The following ATP10A variants were observed in gnomAD, a reference collection of about 807,000 sequenced individuals.
ATP10A encodes phospholipid-transporting ATPase VA.
In ATP10A, 111 loss-of-function variants were observed where a neutral mutation model predicts 147.8. The observed-to-expected ratio is 0.75, with a 90% CI of 0.64 to 0.88. ATP10A has a LOEUF of 0.88. Ranked by LOEUF, ATP10A falls within the 40% of genes least tolerant of loss-of-function variation. ATP10A has a pLI of 0.00. For missense variants in ATP10A, 1,927 were observed against 1,959.0 expected (o/e 0.98, Z 0.31); for synonymous variants, 875 against 841.6 (o/e 1.04, Z -0.69).
At chr15:25,754,111 T>C (rs750280015) in intron 2 of ATP10A, among the ~76,000 whole-genome samples, 97 of 152,030 alleles carry the variant, frequency 6.4e-4, no homozygotes, top group Non-Finnish European at 1.1e-3. Flanking sequence ...TGCTGCGGTT[T>C]TTTATTTTGT....
rs184690647 is a variant in ATP10A at position 25,832,201 on chromosome 15, A to C, written c.449+30447T>G. On this transcript the variant is annotated intron_variant, in intron 1 of 20. Transcript: ENST00000555815. ...GAGGCAAAGAAGGATTTTTCTCTAGAGCTTTCCACAGGAGCACGGCCCTGC... is the reference window on the plus strand; with the variant it reads ...GAGGCAAAGAAGGATTTTTCTCTAGCGCTTTCCACAGGAGCACGGCCCTGC... 3.0e-3 allele frequency among the ~76,000 whole-genome samples: 454 copies of C among 152,298 alleles called. 3 individuals are homozygous for C. The highest frequency in any genetic ancestry group is 0.011 in the African/African-American group (443 of 41,558).
chr15:25,823,227 GA>G (rs1175221305), intron 1 of ATP10A, among the ~76,000 whole-genome samples: 3 of 152,028 alleles, frequency 2.0e-5, no homozygotes, highest in African/African-American at 4.8e-5. Flanking sequence ...ATTAGCAACA[GA>G]AAAAAACCTC....
rs79272469 is a variant in ATP10A, at chr15:25,860,026, G to A, written c.449+2622C>T. Among the ~76,000 whole-genome samples, 753 of 152,236 alleles carry A rather than the reference G, an allele frequency of 4.9e-3. 6 individuals are homozygous for A. The highest frequency in any genetic ancestry group is 0.017 in the African/African-American group (712 of 41,544). Reference sequence around the variant, plus strand: ...AAACAGACCTAGACAGTTCACAGTCGTGCGTCTGGTCTTCTCTGCAGTCAA... The same window carrying A: ...AAACAGACCTAGACAGTTCACAGTCATGCGTCTGGTCTTCTCTGCAGTCAA... On this transcript the variant is annotated intron_variant, in intron 1 of 20. Transcript: ENST00000555815.
At chr15:25,689,387 T>C (rs1006809840) in intron 15 of ATP10A, among the ~76,000 whole-genome samples, 2 of 152,206 alleles carry the variant, frequency 1.3e-5, no homozygotes, top group African/African-American at 4.8e-5. Flanking sequence ...CCAGGAGCTG[T>C]GGGATCTCCT....
In ATP10A at chr15:25,770,918, C is replaced by A. The variant is rs577887692; in HGVS notation, c.654+10101G>T. ...TCTATGATAAACATCTGAGCTCCCACCTGTCCTGTGGAACTCGGGTCGCAC... is the reference window on the plus strand; with the variant it reads ...TCTATGATAAACATCTGAGCTCCCAACTGTCCTGTGGAACTCGGGTCGCAC... On this transcript the variant is annotated intron_variant, in intron 2 of 20. Transcript: ENST00000555815. Among the ~76,000 whole-genome samples the A allele has an allele frequency of 4.6e-5, 7 of 152,262 alleles. No individual in the cohort carries two copies. In the East Asian group the frequency reaches 1.4e-3, roughly 29 times the overall value.
chr15:25,806,534 G>A (rs867806499), intron 1 of ATP10A, among the ~76,000 whole-genome samples: 40 of 151,856 alleles, frequency 2.6e-4, no homozygotes, highest in African/African-American at 8.7e-4. Flanking sequence ...GGATGGTCTC[G>A]ATCTCCTGAC....
At chr15:25,846,895 C>T (rs192577090) in intron 1 of ATP10A, among the ~76,000 whole-genome samples, 4 of 152,208 alleles carry the variant, frequency 2.6e-5, no homozygotes, top group Non-Finnish European at 4.4e-5. Context: ...GCATTACATG[C>T]CGGTAATTTA....
In ATP10A at chr15:25,732,558, C is replaced by CTTTT. The variant is rs36120691; in HGVS notation, c.740+3494_740+3497dup. The stretch of plus-strand genomic sequence containing the variant: ...GTGAGCATTTCACATGCGACACCTT[C>CTTTT]TTTTTTTTTTTTTTTGAGATGGAGT... On this transcript the variant is annotated intron_variant, in intron 3 of 20. Transcript: ENST00000555815. Among the ~76,000 whole-genome samples, 32 of 84,146 alleles carry CTTTT rather than the reference C, an allele frequency of 3.8e-4. 1 individual carries two copies. Among genetic ancestry groups the CTTTT allele is most frequent in the African/African-American group, 1.5e-3 (32 of 21,766 alleles). The allele number at this position is 84,146 out of a possible 152,430, so 55.2% of individuals were successfully genotyped here. A position where few individuals can be genotyped will look rare whatever the true frequency, so the allele number is the denominator to read the frequency against.
At chr15:25,710,181 G>A (rs1029933982) in intron 10 of ATP10A, 2 of 152,236 alleles carry the variant, frequency 1.3e-5, no homozygotes, top group African/African-American at 4.8e-5. Flanking sequence ...CAAGTCCTGT[G>A]TGTCTTGTCT....
At chr15:25,754,748 C>G (rs1378039186) in intron 2 of ATP10A, among the ~76,000 whole-genome samples, 1 of 152,140 alleles carries the variant, frequency 6.6e-6, no homozygotes, top group Non-Finnish European at 1.5e-5. Context: ...GCCCTGTAAC[C>G]TGCAAATATT....
intron 2 of ATP10A, among the ~76,000 whole-genome samples, chr15:25,739,259 T>C (rs891608090): frequency 1.6e-4 from 25 of 152,158 alleles, no homozygotes; most frequent in African/African-American, 5.6e-4. Flanking sequence ...AAGTTCTAAG[T>C]TTCCAAAATT....
At chr15:25,840,317 G>A (rs575888174) in intron 1 of ATP10A, among the ~76,000 whole-genome samples, 11 of 151,998 alleles carry the variant, frequency 7.2e-5, no homozygotes, top group Non-Finnish European at 1.2e-4. Flanking sequence ...GTACCCAACA[G>A]TTATCTTTTC....
At chr15:25,709,102 G>C (rs1268776389) in intron 10 of ATP10A, 1 of 152,172 alleles carries the variant, frequency 6.6e-6, no homozygotes, top group Non-Finnish European at 1.5e-5. Flanking sequence ...GGTTCTTGGA[G>C]GTGGAAAAAT....
chr15:25,846,315 G>A (rs1893023301), intron 1 of ATP10A, among the ~76,000 whole-genome samples: 1 of 152,206 alleles, frequency 6.6e-6, no homozygotes, highest in Non-Finnish European at 1.5e-5. Context: ...TTTATGTTAT[G>A]TATATTTCAC....
At chr15:25,844,727 G>C (rs927066307) in intron 1 of ATP10A, among the ~76,000 whole-genome samples, 1 of 152,178 alleles carries the variant, frequency 6.6e-6, no homozygotes, top group African/African-American at 2.4e-5. Context: ...GAGGAGGGCA[G>C]ACCTGGCTGT....
At chr15:25,707,327 C>T (rs902556322) in intron 12 of ATP10A, among the ~76,000 whole-genome samples, 3 of 151,942 alleles carry the variant, frequency 2.0e-5, no homozygotes, top group Admixed American at 6.5e-5. Flanking sequence ...TCACAGCACC[C>T]GAGATGGAGG....
chr15:25,800,956 C>T lies in ATP10A; in HGVS notation c.450-19733G>A, dbSNP rs535271202. 5.9e-5 allele frequency among the ~76,000 whole-genome samples: 9 copies of T among 152,288 alleles called. No homozygotes were observed. The South Asian group carries it at 1.0e-3, about 18-fold the overall frequency. On this transcript the variant is annotated intron_variant, in intron 1 of 20. Coordinates refer to ENST00000555815, the MANE Select transcript of ATP10A (RefSeq NM_024490.4). ...ATGAACCCGCTGTACTAGATGCTGA[C>T]GCTGCTCCTGGCTCACTGTCATGGG...
In ATP10A at chr15:25,727,203, G is replaced by A. The variant is rs1213487124; in HGVS notation, c.804C>T (p.Thr268=). ...CGACGACTGCGTCCGTGTTCCTAAG[G>A]GTGCAGCCCCTCAGCAGCAGGTTTT... The part of the protein sequence containing the change: ...YKENLLLRGC[T]LRNTDAVVGI... The change falls in exon 4 of 21, where the codon ACC becomes ACT. Residue 268 remains threonine (T), a synonymous_variant. Coordinates refer to ENST00000555815, the MANE Select transcript of ATP10A (RefSeq NM_024490.4). The A allele has an allele frequency of 1.9e-6, 3 of 1,614,144 alleles. No homozygotes were observed. Among genetic ancestry groups the A allele is most frequent in the Non-Finnish European group, 2.5e-6 (3 of 1,180,022 alleles).
chr15:25,777,322 C>T (rs777597934), intron 2 of ATP10A, among the ~76,000 whole-genome samples: 1 of 152,112 alleles, frequency 6.6e-6, no homozygotes, highest in Non-Finnish European at 1.5e-5. Flanking sequence ...CAGTCTTCAT[C>T]CACTGCAGCG....
Sources: gnomAD v4.1 joint callset for allele counts (sites outside exome capture counted in the v4.1 genomes callset) on GRCh38, gnomAD v4.1.1 for gene constraint, MANE v1.5 for transcripts, NCBI Gene and HGNC (gene_info 2026-07-23, HGNC 2026-07-21) for gene names.